Variants in FHIP1B observed in about 807,000 individuals in gnomAD.
FHIP1B encodes the protein FHF complex subunit HOOK interacting protein 1B, also known as FHF complex subunit HOOK-interacting protein 1B.
In FHIP1B, 28 loss-of-function variants were observed where a neutral mutation model predicts 82.2. The observed-to-expected ratio is 0.34, with a 90% CI of 0.25 to 0.47. The LOEUF (loss-of-function observed/expected upper bound fraction) is 0.47, where lower values mean the gene tolerates loss of function less well. FHIP1B is among the 20% of genes least tolerant of loss of function. The pLI is 1.00. For missense variants in FHIP1B, 1,110 were observed against 1,262.6 expected (o/e 0.88, Z 1.83); for synonymous variants, 585 against 516.1 (o/e 1.13, Z -1.81).
intron 6 of FHIP1B, among the ~76,000 whole-genome samples, chr11:6,219,302 T>C (rs1377387455): frequency 6.6e-6 from 1 of 152,178 alleles, no homozygotes; most frequent in Non-Finnish European, 1.5e-5. Flanking sequence ...TTCTATAGAC[T>C]CTCTAGCTAT....
intron 9 of FHIP1B, chr11:6,215,501 G>C (rs1032013212): frequency 1.3e-5 from 2 of 152,238 alleles, no homozygotes; most frequent in African/African-American, 2.4e-5. Flanking sequence ...CAGAAAGAAA[G>C]CTAGAAGATG....
At chr11:6,228,908 A>G (rs1463401000) in intron 1 of FHIP1B, among the ~76,000 whole-genome samples, 1 of 152,222 alleles carries the variant, frequency 6.6e-6, no homozygotes, top group Non-Finnish European at 1.5e-5. Context: ...CGGTTGAGAA[A>G]AGTGGTAAGC....
intron 9 of FHIP1B, 146 bp from the exon 10 acceptor site, chr11:6,215,057 C>T: frequency 2.7e-6 from 2 of 733,294 alleles, no homozygotes; most frequent in East Asian, 6.3e-5. Context: ...CCCGTGGCCA[C>T]CTATTCTGGA....
intron 1 of FHIP1B, among the ~76,000 whole-genome samples, chr11:6,230,774 A>T (rs1847677319): frequency 6.6e-6 from 1 of 152,248 alleles, no homozygotes; most frequent in Non-Finnish European, 1.5e-5. Context: ...ATCCTAAAGG[A>T]TAAGGAAAGT....
At position 6,223,789 on chromosome 11, in the gene FHIP1B, G is replaced by C. The variant is rs770761614; in HGVS notation, c.598C>G (p.Pro200Ala). Residue 200 changes from proline (P) to alanine (A), a missense_variant, in exon 3 of 12, where the codon CCA (proline) becomes GCA (alanine). Physicochemically the swap from Pro to Ala is conservative, Grantham distance 27. Coordinates refer to ENST00000449352, the MANE Select transcript of FHIP1B (RefSeq NM_001098794.2). The surrounding 1 kb of genome is among the most constrained non-coding windows in gnomAD (Gnocchi z 4.8). ...GGAGCGGCTCCAGGCTCAGGAGGTG[G>C]CTGCAGGAAGAACTCGAGCAATGAA... ...EPSLLEFFLQ[P>A]PPEPGAAPRL... The C allele has an allele frequency of 3.1e-6, 5 of 1,614,100 alleles. No homozygotes were observed. The highest frequency in any genetic ancestry group is 1.7e-5 in the Admixed American group (1 of 60,002).
chr11:6,215,087 C>T, intron 9 of FHIP1B, 176 bp from the exon 10 acceptor site: 1 of 525,396 alleles, frequency 1.9e-6, no homozygotes, highest in African/African-American at 2.0e-5. Flanking sequence ...ATGGCAGACA[C>T]CATATGGACC....
intron 11 of FHIP1B, among the ~76,000 whole-genome samples, chr11:6,212,257 A>G (rs73392988): frequency 6.6e-6 from 1 of 152,122 alleles, no homozygotes; most frequent in African/African-American, 2.4e-5. Flanking sequence ...CCTATTTCCA[A>G]TCACTAATCT....
chr11:6,213,280 T>A lies in FHIP1B; in HGVS notation c.2557+1131A>T, dbSNP rs1042897445. ...AGCCTCCATCTCTGCTTTCAGCATA[T>A]CATTTTGCCTTCTACTTCGATTAGT... On this transcript the variant is annotated intron_variant, in intron 11 of 11. Transcript: ENST00000449352. Among the ~76,000 whole-genome samples the A allele has an allele frequency of 3.9e-5, 6 of 152,380 alleles. No homozygotes were observed. In the South Asian group the frequency reaches 1.2e-3, roughly 32 times the overall value.
chr11:6,219,120 G>A (rs1220428294), intron 6 of FHIP1B, 70 bp from the exon 7 acceptor site: 2 of 1,310,140 alleles, frequency 1.5e-6, no homozygotes, highest in South Asian at 2.5e-5. Flanking sequence ...TCACCAAACG[G>A]GAACCCCACC....
chr11:6,223,835 A>G lies in FHIP1B; in HGVS notation c.552T>C (p.Cys184=), dbSNP rs973979825. ...ATGAAGGCTCCTGGGCCACACAAAC[A>G]CACAGCTGGCTGAGAAGTAGCACCA... ...EGLVLLLSQL[C]VCVAQEPSLL... Residue 184 remains cysteine (C), a synonymous_variant, in exon 3 of 12, where the codon TGT becomes TGC. Coordinates refer to ENST00000449352, the MANE Select transcript of FHIP1B (RefSeq NM_001098794.2). The surrounding 1 kb of genome is among the most constrained non-coding windows in gnomAD (Gnocchi z 4.8). 2 of 1,614,144 alleles carry G rather than the reference A, an allele frequency of 1.2e-6. No homozygotes were observed. Among genetic ancestry groups the G allele is most frequent in the African/African-American group, 2.7e-5 (2 of 75,050 alleles).
intron 1 of FHIP1B, among the ~76,000 whole-genome samples, chr11:6,229,275 C>CT (rs1046702561): frequency 2.6e-5 from 4 of 152,216 alleles, no homozygotes; most frequent in African/African-American, 9.7e-5. Flanking sequence ...TTTCACATAT[C>CT]TGAGCCTCAG....
intron 6 of FHIP1B, among the ~76,000 whole-genome samples, chr11:6,219,802 C>T (rs903944651): frequency 6.6e-6 from 1 of 152,180 alleles, no homozygotes. Flanking sequence ...ACCTTGAGCT[C>T]CCTGAAGACA....
chr11:6,223,081 T>A lies in FHIP1B; in HGVS notation c.935A>T (p.Gln312Leu). The stretch of plus-strand genomic sequence containing the variant: ...CAAGGGCCAGACTTTCAGTCCTACC[T>A]GAATTACTGCATTGCAGAACTCCAG... ...SSLEFCNAVI[Q>L]VAHPLVQKQL... The change falls in exon 4 of 12, where the codon CAG becomes CTG. Residue 312 changes from glutamine to leucine, a missense_variant and splice_region_variant. Gln to Leu is a moderately radical substitution (Grantham distance 113). Transcript: ENST00000449352. The surrounding 1 kb of genome is among the most constrained non-coding windows in gnomAD (Gnocchi z 4.8). 1 of 1,578,444 alleles carries A rather than the reference T, an allele frequency of 6.3e-7. No individual in the cohort carries two copies. Among genetic ancestry groups the A allele is most frequent in the Non-Finnish European group, 8.6e-7 (1 of 1,164,234 alleles).
chr11:6,232,197 G>A (rs1333370153), intron 1 of FHIP1B, among the ~76,000 whole-genome samples: 3 of 151,546 alleles, frequency 2.0e-5, no homozygotes, highest in African/African-American at 7.3e-5. Context: ...AACAGAGTTT[G>A]GGATAGCAAA....
rs1847290856 is a variant in FHIP1B, at chr11:6,217,960, C to A, written c.1626G>T (p.Glu542Asp). The stretch of plus-strand genomic sequence containing the variant: ...AATTGTCTTCCAGCTCTCCAGGCTC[C>A]TCTGCAGGGGTAGGCCGTCGGCCAG... ...SSPGRRPTPA[E>D]EPGELEDNYL... The change falls in exon 9 of 12, where the codon GAG becomes GAT. Residue 542 changes from glutamate to aspartate, a missense_variant. By Grantham distance (45) the Glu-to-Asp change is conservative. Transcript: ENST00000449352. The A allele has an allele frequency of 1.2e-6, 2 of 1,613,266 alleles. No homozygotes were observed. The highest frequency in any genetic ancestry group is 1.7e-6 in the Non-Finnish European group (2 of 1,180,020).
At chr11:6,211,949 T>G (rs780637928) in intron 11 of FHIP1B, 82 bp from the exon 12 acceptor site, 6 of 1,478,102 alleles carry the variant, frequency 4.1e-6, no homozygotes, top group Non-Finnish European at 5.3e-6. Flanking sequence ...CCCCACCCCC[T>G]AGGTTCTTGG....
Position 6,211,763 on chromosome 11 carries a change from C to T in FHIP1B, c.2662G>A (p.Gly888Arg), listed in dbSNP as rs757901184. 75 of 1,614,106 alleles carry T rather than the reference C, an allele frequency of 4.6e-5. 1 individual carries two copies. The highest frequency in any genetic ancestry group is 5.3e-5 in the Non-Finnish European group (62 of 1,180,032). Reference protein sequence around the residue: ...AQLVLQPGRDGAGLGLSGGSP... With the variant: ...AQLVLQPGRDRAGLGLSGGSP... ...CCCCCACTTAGGCCAAGTCCTGCTCCGTCTCGCCCAGGCTGAAGGACCAAT... is the reference window on the plus strand; with the variant it reads ...CCCCCACTTAGGCCAAGTCCTGCTCTGTCTCGCCCAGGCTGAAGGACCAAT... Residue 888 changes from glycine (G) to arginine (R), a missense_variant, in exon 12 of 12, where the codon GGA (glycine) becomes AGA (arginine). This residue lies in a region of FHIP1B where 147 missense variants were observed against 154.0 expected (regional missense o/e 0.95). Coordinates refer to ENST00000449352, the MANE Select transcript of FHIP1B (RefSeq NM_001098794.2).
rs919296154 is a variant in FHIP1B at position 6,223,412 on chromosome 11, A to T, written c.778-174T>A. 5.9e-5 allele frequency among the ~76,000 whole-genome samples: 9 copies of T among 152,198 alleles called. No homozygotes were observed. The highest frequency in any genetic ancestry group is 2.0e-4 in the Admixed American group (3 of 15,286). On this transcript the variant is annotated intron_variant, in intron 3 of 11. Coordinates refer to ENST00000449352, the MANE Select transcript of FHIP1B (RefSeq NM_001098794.2). This position sits in a 1 kb window ranked among gnomAD's most constrained non-coding sequence, Gnocchi z 4.8. ...CTCACCTAGAATTCACAGGCCTACA[A>T]AGAGACTTAGTATCTGCCCTATCCA...
At chr11:6,232,394 T>C (rs1403776819) in intron 1 of FHIP1B, among the ~76,000 whole-genome samples, 1 of 152,244 alleles carries the variant, frequency 6.6e-6, no homozygotes, top group Non-Finnish European at 1.5e-5. Context: ...ATAACCTTCA[T>C]CCCTATGTCA....
Sources: allele counts gnomAD v4.1 joint callset (sites outside exome capture counted in the v4.1 genomes callset), GRCh38; gene constraint gnomAD v4.1.1; regional missense constraint gnomAD v4.1.1; non-coding constraint Gnocchi (gnomAD v3.1); transcripts MANE v1.5; gene names NCBI Gene and HGNC (gene_info 2026-07-23, HGNC 2026-07-21).